Variants in ARHGAP12 observed in about 807,000 individuals in gnomAD.
ARHGAP12 encodes the protein Rho GTPase activating protein 12.
A neutral mutation model predicts 108.6 loss-of-function variants in ARHGAP12; 64 were observed. The ratio of observed to expected loss-of-function variants is 0.59; its 90% CI spans 0.48 to 0.73. ARHGAP12 has a LOEUF of 0.73. ARHGAP12 is among the 30% of genes least tolerant of loss of function. The pLI, the probability that ARHGAP12 is intolerant of heterozygous loss-of-function variation, is 0.00. For missense variants in ARHGAP12, 940 were observed against 1,005.9 expected (o/e 0.93, Z 0.89); for synonymous variants, 312 against 337.2 (o/e 0.93, Z 0.82).
intron 3 of ARHGAP12, among the ~76,000 whole-genome samples, chr10:31,875,925 T>C (rs969784276): frequency 6.6e-6 from 1 of 152,252 alleles, no homozygotes; most frequent in Admixed American, 6.5e-5. Flanking sequence ...AGTGGAATTA[T>C]ACAGTATTTG....
Position 31,808,766 on chromosome 10 carries a change from T to C in ARHGAP12, c.2264-15A>G, listed in dbSNP as rs1834912550. The C allele has an allele frequency of 6.2e-7, 1 of 1,610,220 alleles. No individual in the cohort carries two copies. Among genetic ancestry groups the C allele is most frequent in the Non-Finnish European group, 8.5e-7 (1 of 1,177,784 alleles). On this transcript the variant is annotated splice_polypyrimidine_tract_variant and intron_variant, in intron 18 of 19. Coordinates refer to ENST00000344936, the MANE Select transcript of ARHGAP12 (RefSeq NM_018287.7). ...TGGTTCTTGCTCTGAAAAAAGATAA[T>C]AACCAGATATTTTACAGCAAATTCT...
chr10:31,836,875 A>C (rs2808099), intron 9 of ARHGAP12, among the ~76,000 whole-genome samples: 1 of 151,932 alleles, frequency 6.6e-6, no homozygotes, highest in African/African-American at 2.4e-5. Flanking sequence ...AAGGAATGCC[A>C]TCTGGTGATG....
intron 1 of ARHGAP12, among the ~76,000 whole-genome samples, chr10:31,923,020 A>C (rs1485670477): frequency 1.3e-5 from 2 of 150,844 alleles, no homozygotes; most frequent in East Asian, 3.9e-4. Flanking sequence ...AGTCACGGCT[A>C]CTTGGGAGGC....
chr10:31,865,092 G>C (rs927866154), intron 3 of ARHGAP12, among the ~76,000 whole-genome samples: 7 of 152,210 alleles, frequency 4.6e-5, no homozygotes, highest in African/African-American at 1.7e-4. Flanking sequence ...GGAGCAGCAA[G>C]TGAAAGGCCT....
intron 5 of ARHGAP12, among the ~76,000 whole-genome samples, chr10:31,853,488 A>G (rs1479838554): frequency 6.6e-6 from 1 of 152,218 alleles, no homozygotes; most frequent in Non-Finnish European, 1.5e-5. Context: ...CGTATGTTCT[A>G]ATGTCAAATA....
At chr10:31,874,308 T>C (rs1195232143) in intron 3 of ARHGAP12, among the ~76,000 whole-genome samples, 2 of 152,140 alleles carry the variant, frequency 1.3e-5, no homozygotes, top group Non-Finnish European at 2.9e-5. Context: ...ACAAAAAATT[T>C]TGAAAAACAC....
intron 9 of ARHGAP12, among the ~76,000 whole-genome samples, chr10:31,832,821 C>T (rs752584577): frequency 2.0e-5 from 3 of 152,060 alleles, no homozygotes; most frequent in Non-Finnish European, 4.4e-5. Flanking sequence ...CTGAAAGTTT[C>T]GTCTGGTCTG....
At chr10:31,890,717 C>T (rs1838392090) in intron 3 of ARHGAP12, among the ~76,000 whole-genome samples, 1 of 152,164 alleles carries the variant, frequency 6.6e-6, no homozygotes, top group Non-Finnish European at 1.5e-5. Context: ...CCAGTTTACA[C>T]TTGTTTTTAG....
intron 1 of ARHGAP12, among the ~76,000 whole-genome samples, chr10:31,926,285 G>A (rs916834977): frequency 6.6e-6 from 1 of 151,798 alleles, no homozygotes; most frequent in Admixed American, 6.6e-5. Flanking sequence ...TAGGGAAATG[G>A]CTGAATCACA....
chr10:31,839,271 T>C (rs1592274582), intron 9 of ARHGAP12, 34 bp downstream of exon 9: 2 of 1,594,242 alleles, frequency 1.3e-6, no homozygotes, highest in East Asian at 4.5e-5. Context: ...TGAAGGTGTC[T>C]ATGCCTATTA....
intron 7 of ARHGAP12, 76 bp downstream of exon 7, chr10:31,843,385 A>C: frequency 7.1e-7 from 1 of 1,417,104 alleles, no homozygotes; most frequent in Non-Finnish European, 9.6e-7. Flanking sequence ...TAAATACATA[A>C]AATATTAGTA....
At position 31,926,272 on chromosome 10, in the gene ARHGAP12, T is replaced by C. The variant is rs114046681; in HGVS notation, c.-111+2411A>G. Among the ~76,000 whole-genome samples the C allele has an allele frequency of 8.4e-3, 1,270 of 150,670 alleles. 13 individuals are homozygous for C. Among genetic ancestry groups the C allele is most frequent in the African/African-American group, 0.029 (1,192 of 40,914 alleles). On this transcript the variant is annotated intron_variant, in intron 1 of 19. Coordinates refer to ENST00000344936, the MANE Select transcript of ARHGAP12 (RefSeq NM_018287.7). ...ATTAAGTCCATGAAGTCAATGAAAG[T>C]AATAGGGAAATGGCTGAATCACAGC...
At chr10:31,833,848 T>C (rs566454778) in intron 9 of ARHGAP12, among the ~76,000 whole-genome samples, 2 of 152,204 alleles carry the variant, frequency 1.3e-5, no homozygotes, top group Non-Finnish European at 2.9e-5. Context: ...CATTTCATAT[T>C]TGAAGGATTT....
chr10:31,907,633 T>TAAA (rs201334534), intron 3 of ARHGAP12, among the ~76,000 whole-genome samples: 1 of 127,654 alleles, frequency 7.8e-6, no homozygotes, highest in East Asian at 2.2e-4. Flanking sequence ...GACCTTGTCT[T>TAAA]AAAAAAAAAA....
intron 13 of ARHGAP12, among the ~76,000 whole-genome samples, chr10:31,817,405 G>C (rs1277652489): frequency 6.6e-6 from 1 of 152,162 alleles, no homozygotes; most frequent in South Asian, 2.1e-4. Context: ...TGCTAATGAA[G>C]AGACTACAGC....
chr10:31,874,686 C>G (rs545049586), intron 3 of ARHGAP12, among the ~76,000 whole-genome samples: 1 of 151,802 alleles, frequency 6.6e-6, no homozygotes, highest in Non-Finnish European at 1.5e-5. Context: ...AAAAAAAATA[C>G]ATTCAGTCCA....
At position 31,908,365 on chromosome 10, in the gene ARHGAP12, T is replaced by C. The variant is rs774071214; in HGVS notation, c.491A>G (p.His164Arg). 1.2e-6 allele frequency: 2 copies of C among 1,614,204 alleles called. No homozygotes were observed. The highest frequency in any genetic ancestry group is 1.7e-6 in the Non-Finnish European group (2 of 1,180,034). The change falls in exon 3 of 20, where the codon CAT becomes CGT. Residue 164 changes from histidine to arginine, a missense_variant. By Grantham distance (29) the His-to-Arg change is conservative. Transcript: ENST00000344936. ...ATTCTGGCTGGAAACTTTAGGAGAA[T>C]GTGAGTCATTGTTAAACTTTCCGTT... ...HNNGKFNNDS[H>R]SPKVSSQNRT...
intron 9 of ARHGAP12, among the ~76,000 whole-genome samples, chr10:31,838,897 G>C (rs1836135771): frequency 6.6e-6 from 1 of 151,936 alleles, no homozygotes; most frequent in Admixed American, 6.6e-5. Flanking sequence ...AGCTACTAGG[G>C]AGGCTGAGAC....
chr10:31,923,484 T>C (rs1050207641), intron 1 of ARHGAP12, among the ~76,000 whole-genome samples: 1 of 152,170 alleles, frequency 6.6e-6, no homozygotes, highest in Non-Finnish European at 1.5e-5. Flanking sequence ...AATTAAAGCA[T>C]ATGTAGACAC....
Sources: allele counts gnomAD v4.1 joint callset (sites outside exome capture counted in the v4.1 genomes callset), GRCh38; gene constraint gnomAD v4.1.1; transcripts MANE v1.5; gene names NCBI Gene and HGNC (gene_info 2026-07-23, HGNC 2026-07-21).